Variants in RNF220 observed in about 807,000 individuals in gnomAD.
The protein encoded by RNF220 is ring finger protein 220.
A neutral mutation model predicts 67.1 loss-of-function variants in RNF220; 7 were observed. The ratio of observed to expected loss-of-function variants is 0.10; its 90% confidence interval spans 0.06 to 0.20. The LOEUF (loss-of-function observed/expected upper bound fraction) is 0.20. Ranked by LOEUF, RNF220 falls within the 10% of genes least tolerant of loss-of-function variation. The pLI, the probability that RNF220 is intolerant of heterozygous loss-of-function variation, is 1.00. For missense variants in RNF220, 565 were observed against 740.3 expected, an observed-to-expected ratio of 0.76 and a Z score of 2.75; for synonymous variants, 270 against 283.2, an observed-to-expected ratio of 0.95 and a Z score of 0.47.
chr1:44,601,557 A>G (rs551098879), intron 2 of RNF220, among the ~76,000 whole-genome samples: 1 of 152,242 alleles, frequency 6.6e-6, no homozygotes, highest in African/African-American at 2.4e-5. Flanking sequence ...TGATTAGGCT[A>G]AAGTAGGAGG....
chr1:44,502,122 G>A (rs1443444422), intron 2 of RNF220, among the ~76,000 whole-genome samples: 1 of 139,336 alleles, frequency 7.2e-6, no homozygotes, highest in Non-Finnish European at 1.5e-5. Flanking sequence ...CCTGGCTGCA[G>A]TATGATCCTT....
chr1:44,491,316 C>CAT lies in RNF220; in HGVS notation c.625+78605_625+78606dup, dbSNP rs574841074. On this transcript the variant is annotated intron_variant, in intron 2 of 14. Coordinates refer to ENST00000361799, the MANE Select transcript of RNF220 (RefSeq NM_018150.4). The stretch of plus-strand genomic sequence containing the variant: ...ACTTTAGACAAATAACTCTTATGAA[C>CAT]ATATATATATATGTATATATAAATC... Among the ~76,000 whole-genome samples the CAT allele has an allele frequency of 1.7e-3, 264 of 151,518 alleles. 2 individuals carry two copies. Among genetic ancestry groups the CAT allele is most frequent in the Middle Eastern group, 0.017 (5 of 294 alleles).
intron 5 of RNF220, among the ~76,000 whole-genome samples, chr1:44,627,919 G>A (rs940340686): frequency 5.3e-5 from 8 of 152,226 alleles, no homozygotes; most frequent in Admixed American, 1.3e-4. Flanking sequence ...TGCCCAGCAC[G>A]GCTGGACAGA....
In RNF220 at chr1:44,600,268, G is replaced by A. The variant is rs901806032; in HGVS notation, c.626-13897G>A. 2.0e-5 allele frequency among the ~76,000 whole-genome samples: 3 copies of A among 152,198 alleles called. No individual in the cohort carries two copies. Among genetic ancestry groups the A allele is most frequent in the African/African-American group, 7.2e-5 (3 of 41,442 alleles). On this transcript the variant is annotated intron_variant, in intron 2 of 14. Coordinates refer to ENST00000361799, the MANE Select transcript of RNF220 (RefSeq NM_018150.4). The surrounding 1 kb of genome is among the most constrained non-coding windows in gnomAD (Gnocchi z 4.0). ...AGCAGAGCATCTTCTACGCAGTGTTGTACGTGGCTCAGATTGGAGGTACAG... is the reference window on the plus strand; with the variant it reads ...AGCAGAGCATCTTCTACGCAGTGTTATACGTGGCTCAGATTGGAGGTACAG...
chr1:44,447,382 C>T (rs1197089019), intron 2 of RNF220, among the ~76,000 whole-genome samples: 1 of 152,214 alleles, frequency 6.6e-6, no homozygotes, highest in East Asian at 1.9e-4. Context: ...ATAGTACCTA[C>T]CCCCTAAATA....
Position 44,645,604 on chromosome 1 carries a change from C to T in RNF220, c.1445+116C>T. ...TGGCCCTCCCAAGTGCAGCTCAGTG[C>T]TGCTGCCCTGGGCACACGGCCGGCA... On this transcript the variant is annotated intron_variant, in intron 12 of 14. Coordinates refer to ENST00000361799, the MANE Select transcript of RNF220 (RefSeq NM_018150.4). The surrounding 1 kb of genome is among the most constrained non-coding windows in gnomAD (Gnocchi z 5.0). 1 of 1,023,394 alleles carries T rather than the reference C, an allele frequency of 9.8e-7. No homozygotes were observed. The highest frequency in any genetic ancestry group is 1.5e-6 in the Non-Finnish European group (1 of 678,936). 63.4% of individuals were successfully genotyped at this position (1,023,394 alleles called of 1,614,324 possible). A position where few individuals can be genotyped will look rare whatever the true frequency, so the allele number is the denominator to read the frequency against.
chr1:44,636,290 T>C lies in RNF220; in HGVS notation c.1126+128T>C. The C allele has an allele frequency of 2.4e-6, 3 of 1,233,056 alleles. 1 individual carries two copies. In the South Asian group the frequency reaches 3.7e-5, roughly 15 times the overall value. 76.4% of individuals were successfully genotyped at this position (1,233,056 alleles called of 1,614,324 possible). ...ATCCGTTCCACCACGTGGGGACTGC[T>C]GCTGGTGGGGCTCCTTTGTGACCGT... On this transcript the variant is annotated intron_variant, in intron 8 of 14. Transcript: ENST00000361799.
Position 44,649,747 on chromosome 1 carries a change from G to A in RNF220, c.1532G>A (p.Arg511His), listed in dbSNP as rs748690413. 24 of 1,613,930 alleles carry A rather than the reference G, an allele frequency of 1.5e-5. No homozygotes were observed. Among genetic ancestry groups the A allele is most frequent in the South Asian group, 6.6e-5 (6 of 91,086 alleles). Residue 511 changes from arginine (R) to histidine (H), a missense_variant, in exon 13 of 15, where the codon CGT (arginine) becomes CAT (histidine). Coordinates refer to ENST00000361799, the MANE Select transcript of RNF220 (RefSeq NM_018150.4). The surrounding 1 kb of genome is among the most constrained non-coding windows in gnomAD (Gnocchi z 5.9). ...GAACGGCAGCTATCTCGTGGGGACC[G>A]TTACAAATGCCTCATCTGCATGGTG... The part of the protein sequence containing the change: ...ELERQLSRGD[R>H]YKCLICMDSY...
intron 5 of RNF220, chr1:44,632,039 C>A: frequency 2.8e-6 from 3 of 1,077,588 alleles, no homozygotes; most frequent in Non-Finnish European, 3.4e-6. Context: ...GGGGAATCCG[C>A]CCGCATCGCC....
At chr1:44,491,853 G>A (rs184176319) in intron 2 of RNF220, among the ~76,000 whole-genome samples, 1 of 152,218 alleles carries the variant, frequency 6.6e-6, no homozygotes, top group African/African-American at 2.4e-5. Flanking sequence ...TAGTGGAGAT[G>A]AGGTCTTGCC....
intron 2 of RNF220, among the ~76,000 whole-genome samples, chr1:44,499,492 C>G (rs80160145): frequency 6.6e-6 from 1 of 152,296 alleles, no homozygotes; most frequent in East Asian, 1.9e-4. Flanking sequence ...ACTTTCCTCA[C>G]TCCGCTTCTA....
chr1:44,407,804 C>A (rs984929183), intron 1 of RNF220, among the ~76,000 whole-genome samples: 2 of 152,178 alleles, frequency 1.3e-5, no homozygotes, highest in Admixed American at 6.5e-5. Flanking sequence ...CGCGGCTGCC[C>A]GCTGAAGCGG....
rs1388376891 is a variant in RNF220, at chr1:44,622,222, C to T, written c.759-520C>T. Among the ~76,000 whole-genome samples the T allele has an allele frequency of 6.6e-6, 1 of 152,214 alleles. No homozygotes were observed. Among genetic ancestry groups the T allele is most frequent in the Non-Finnish European group, 1.5e-5 (1 of 68,026 alleles). On this transcript the variant is annotated intron_variant, in intron 3 of 14. Transcript: ENST00000361799. This position sits in a 1 kb window ranked among gnomAD's most constrained non-coding sequence, Gnocchi z 4.3. ...CCGCCCACCATATTTCAGGGCCCAG[C>T]TCCCGCCTGCCTGCCGCGCCCGATG... is the stretch of plus-strand genomic sequence containing the variant.
intron 2 of RNF220, among the ~76,000 whole-genome samples, chr1:44,432,361 C>G (rs868164081): frequency 2.0e-5 from 3 of 147,838 alleles, no homozygotes; most frequent in African/African-American, 7.5e-5. Context: ...ACCTCCACCC[C>G]CCAGGTTCAA....
chr1:44,648,060 C>T (rs767931880), intron 12 of RNF220, among the ~76,000 whole-genome samples: 5 of 152,244 alleles, frequency 3.3e-5, no homozygotes, highest in Non-Finnish European at 5.9e-5. Context: ...GGCCTTCTAG[C>T]CAGACTGGGC....
intron 2 of RNF220, among the ~76,000 whole-genome samples, chr1:44,532,502 T>C (rs1275667228): frequency 2.6e-5 from 4 of 152,230 alleles, no homozygotes; most frequent in African/African-American, 9.6e-5. Flanking sequence ...TTATTAAAAC[T>C]GTGGGTGAGC....
chr1:44,553,383 TGAATGAATGAATG>T (rs1662825556), intron 2 of RNF220, among the ~76,000 whole-genome samples: 1 of 96,062 alleles, frequency 1.0e-5, no homozygotes. Context: ...AATGAATGAA[TGAATGAATGAATG>T]AATGAATGAA....
chr1:44,597,996 C>T (rs275069), intron 2 of RNF220, among the ~76,000 whole-genome samples: 2 of 151,574 alleles, frequency 1.3e-5, no homozygotes, highest in Non-Finnish European at 1.5e-5. Context: ...CGTTCTCTCT[C>T]GAACACAGGT....
Position 44,622,127 on chromosome 1 carries a change from A to T in RNF220, c.759-615A>T, listed in dbSNP as rs1358366835. 2.6e-5 allele frequency among the ~76,000 whole-genome samples: 4 copies of T among 152,140 alleles called. No homozygotes were observed. Among genetic ancestry groups the T allele is most frequent in the Non-Finnish European group, 5.9e-5 (4 of 68,014 alleles). ...TGTGGCCTTGCATACCAATTTTGTT[A>T]TTAAACACAGTCCTCGCCTCCCCCA... On this transcript the variant is annotated intron_variant, in intron 3 of 14. Coordinates refer to ENST00000361799, the MANE Select transcript of RNF220 (RefSeq NM_018150.4). The surrounding 1 kb of genome is among the most constrained non-coding windows in gnomAD (Gnocchi z 4.3).
Sources: allele counts gnomAD v4.1 joint callset (sites outside exome capture counted in the v4.1 genomes callset), GRCh38; gene constraint gnomAD v4.1.1; non-coding constraint Gnocchi (gnomAD v3.1); transcripts MANE v1.5; gene names NCBI Gene and HGNC (gene_info 2026-07-23, HGNC 2026-07-21).